The following ESPN variants were observed in gnomAD, a reference collection of about 807,000 sequenced individuals.
ESPN encodes espin.
A neutral mutation model predicts 77.7 loss-of-function variants in ESPN; 68 were observed. The ratio of observed to expected loss-of-function variants is 0.87; its 90% confidence interval spans 0.72 to 1.07. The LOEUF (loss-of-function observed/expected upper bound fraction) is 1.07, where lower values mean the gene tolerates loss of function less well. Among genes scored for constraint, ESPN ranks in the 50% least tolerant of loss-of-function variants. The pLI, the probability that ESPN is intolerant of heterozygous loss-of-function variation, is 0.00. For missense variants in ESPN, 1,060 were observed against 1,239.0 expected (o/e 0.86, Z 2.17); for synonymous variants, 449 against 567.1 (o/e 0.79, Z 2.96).
rs1333401833 is a variant in ESPN, at chr1:6,460,193, C to CGCCCCA, written c.*57_*62dup. ...AGCCTCGCAGCTCCGTGGGGCCCTC[C>CGCCCCA]GCCCCAGCCCCAGCCAGCCAGGCCC... On this transcript the variant is annotated 3_prime_UTR_variant, in exon 13 of 13. Coordinates refer to ENST00000645284, the MANE Select transcript of ESPN (RefSeq NM_031475.3). 6 of 1,590,832 alleles carry CGCCCCA rather than the reference C, an allele frequency of 3.8e-6. No individual in the cohort carries two copies. The highest frequency in any genetic ancestry group is 5.1e-6 in the Non-Finnish European group (6 of 1,165,182).
chr1:6,430,571 C>T (rs907050160), intron 2 of ESPN, among the ~76,000 whole-genome samples: 1 of 152,212 alleles, frequency 6.6e-6, no homozygotes, highest in East Asian at 1.9e-4. Flanking sequence ...GCTGCTGCCA[C>T]GCGGGACCCT....
chr1:6,457,625 C>T (rs923817083), intron 12 of ESPN, among the ~76,000 whole-genome samples: 14 of 152,178 alleles, frequency 9.2e-5, no homozygotes, highest in African/African-American at 3.4e-4. Context: ...TATCAATCAC[C>T]TTGATTGTCT....
Position 6,432,267 on chromosome 1 carries a change from G to A in ESPN, c.488+3848G>A, listed in dbSNP as rs538841052. Reference sequence around the variant, plus strand: ...TAGAAGGCTGGAGGCTGTGCCTGGGGTGGTCCCTTTCCCCACTAAGCCCCT... The same window carrying A: ...TAGAAGGCTGGAGGCTGTGCCTGGGATGGTCCCTTTCCCCACTAAGCCCCT... On this transcript the variant is annotated intron_variant, in intron 2 of 12. Coordinates refer to ENST00000645284, the MANE Select transcript of ESPN (RefSeq NM_031475.3). Among the ~76,000 whole-genome samples, 3 of 152,326 alleles carry A rather than the reference G, an allele frequency of 2.0e-5. No homozygotes were observed. In the East Asian group the frequency reaches 5.8e-4, roughly 29 times the overall value.
chr1:6,441,130 T>C (rs1175236837), intron 5 of ESPN, 65 bp downstream of exon 5: 1 of 1,564,470 alleles, frequency 6.4e-7, no homozygotes, highest in African/African-American at 1.4e-5. Context: ...GTGGTGGGTG[T>C]CGTCACCCCT....
Position 6,424,897 on chromosome 1 carries a change from C to A in ESPN, c.-59C>A. The A allele has an allele frequency of 7.2e-7, 1 of 1,383,786 alleles. No homozygotes were observed. The highest frequency in any genetic ancestry group is 1.5e-5 in the South Asian group (1 of 65,608). 85.7% of individuals were successfully genotyped at this position (1,383,786 alleles called of 1,614,324 possible). On this transcript the variant is annotated 5_prime_UTR_variant, in exon 1 of 13. Coordinates refer to ENST00000645284, the MANE Select transcript of ESPN (RefSeq NM_031475.3). ...CGGGCTCCTCTGGCCCGCAAGAACA[C>A]GTGCATGGCGTCCTGGGGAAGGCGC... is the stretch of plus-strand genomic sequence containing the variant.
At chr1:6,444,777 A>G in intron 6 of ESPN, 95 bp downstream of exon 6, 1 of 1,394,344 alleles carries the variant, frequency 7.2e-7, no homozygotes, top group Non-Finnish European at 1.0e-6. Flanking sequence ...TGCCACAGCC[A>G]ATATCGGACA....
chr1:6,452,915 C>T (rs1643977349), intron 10 of ESPN, among the ~76,000 whole-genome samples: 2 of 116,934 alleles, frequency 1.7e-5, no homozygotes, highest in African/African-American at 1.3e-4. Flanking sequence ...TTTTTTGAGA[C>T]AGGGTCTCAC....
intron 12 of ESPN, among the ~76,000 whole-genome samples, chr1:6,457,588 T>G (rs564961472): frequency 1.3e-3 from 204 of 152,312 alleles, no homozygotes; most frequent in Non-Finnish European, 2.1e-3. Context: ...CCTGGCCTTT[T>G]CTACCCTTCA....
At chr1:6,458,615 C>T (rs1222102054) in intron 12 of ESPN, among the ~76,000 whole-genome samples, 3 of 151,682 alleles carry the variant, frequency 2.0e-5, no homozygotes, top group Non-Finnish European at 4.4e-5. Context: ...CGCACCAGGC[C>T]TGCAAAAAAA....
Position 6,451,706 on chromosome 1 carries a change from G to T in ESPN, c.2019G>T (p.Gly673=), listed in dbSNP as rs1410821368. 1 of 1,612,886 alleles carries T rather than the reference G, an allele frequency of 6.2e-7. No homozygotes were observed. The highest frequency in any genetic ancestry group is 1.3e-5 in the African/African-American group (1 of 74,952). The part of the protein sequence containing the change: ...KSLKPTPQSK[G]LTTVFSGIGQ... Reference sequence around the variant, plus strand: ...TGAAGCCGACGCCCCAGAGCAAGGGGCTGACCACAGTGTTCTCAGGCATCG... The same window carrying T: ...TGAAGCCGACGCCCCAGAGCAAGGGTCTGACCACAGTGTTCTCAGGCATCG... The change falls in exon 9 of 13, where the codon GGG becomes GGT. Residue 673 remains glycine (G), a synonymous_variant. Coordinates refer to ENST00000645284, the MANE Select transcript of ESPN (RefSeq NM_031475.3). The surrounding 1 kb of genome is among the most constrained non-coding windows in gnomAD (Gnocchi z 4.3).
At chr1:6,426,108 C>T (rs1643024487) in intron 1 of ESPN, among the ~76,000 whole-genome samples, 3 of 152,126 alleles carry the variant, frequency 2.0e-5, no homozygotes, top group South Asian at 4.2e-4. Context: ...GAACCACAAC[C>T]GATTTCCACT....
At position 6,441,052 on chromosome 1, in the gene ESPN, C is replaced by T. The variant is rs1300857706; in HGVS notation, c.977C>T (p.Thr326Met). The T allele has an allele frequency of 1.9e-6, 3 of 1,611,134 alleles. No individual in the cohort carries two copies. The highest frequency in any genetic ancestry group is 1.3e-5 in the African/African-American group (1 of 74,898). The change falls in exon 5 of 13, where the codon ACG becomes ATG. Residue 326 changes from threonine to methionine, a missense_variant. This residue lies in a region of ESPN where 556 missense variants were observed against 633.6 expected (regional missense o/e 0.88). Coordinates refer to ENST00000645284, the MANE Select transcript of ESPN (RefSeq NM_031475.3). ...AGCCACTGCACCCGCTACCTGCGCACGGTGGAGAACCTGGTACGATCCCTG... is the reference window on the plus strand; with the variant it reads ...AGCCACTGCACCCGCTACCTGCGCATGGTGGAGAACCTGGTACGATCCCTG... ...GHSHCTRYLRTVENLSVEHRV... is the reference protein window; with the variant it reads ...GHSHCTRYLRMVENLSVEHRV...
In ESPN at chr1:6,445,719, G is replaced by A. The variant is rs139332523; in HGVS notation, c.1248G>A (p.Pro416=). The A allele has an allele frequency of 3.2e-4, 520 of 1,611,838 alleles. 1 individual carries two copies. In the African/African-American group the frequency reaches 4.9e-3, roughly 15 times the overall value. The change falls in exon 7 of 13, where the codon CCG becomes CCA. Residue 416 remains proline (P), a synonymous_variant. Transcript: ENST00000645284. ...AGAGCTACATGGACATGCTGAACCC[G>A]GAGCTGGGCCTGCCTCGGGGCACGA... ...DIQSYMDMLN[P]ELGLPRGTIG...
intron 8 of ESPN, 88 bp downstream of exon 8, chr1:6,449,179 C>T (rs1417903608): frequency 4.7e-6 from 6 of 1,289,270 alleles, no homozygotes; most frequent in Admixed American, 3.1e-5. Context: ...CCAGCTGTCA[C>T]TGCCCGGGTC....
chr1:6,446,589 G>C (rs1017367075), intron 7 of ESPN, among the ~76,000 whole-genome samples: 15 of 152,162 alleles, frequency 9.9e-5, no homozygotes, highest in African/African-American at 2.4e-4. Flanking sequence ...GGATGTCTGG[G>C]GCCTGCAGGC....
Position 6,451,714 on chromosome 1 carries a change from C to A in ESPN, c.2027C>A (p.Thr676Lys). ...ACGCCCCAGAGCAAGGGGCTGACCA[C>A]AGTGTTCTCAGGCATCGGGCAGCCG... ...KPTPQSKGLT[T>K]VFSGIGQPAF... is the part of the protein sequence containing the mutation. The change falls in exon 9 of 13, where the codon ACA becomes AAA. Residue 676 changes from threonine (T) to lysine (K), a missense_variant. Thr to Lys is a moderately conservative substitution (Grantham distance 78, BLOSUM62 -1). Around this residue, in one of 3 missense-constraint regions of ESPN, gnomAD observed 374 missense variants for 381.4 expected, o/e 0.98. Coordinates refer to ENST00000645284, the MANE Select transcript of ESPN (RefSeq NM_031475.3). The surrounding 1 kb of genome is among the most constrained non-coding windows in gnomAD (Gnocchi z 4.3). 1 of 1,612,934 alleles carries A rather than the reference C, an allele frequency of 6.2e-7. No homozygotes were observed. Among genetic ancestry groups the A allele is most frequent in the Non-Finnish European group, 8.5e-7 (1 of 1,179,888 alleles).
intron 2 of ESPN, among the ~76,000 whole-genome samples, chr1:6,436,766 G>A (rs1643454476): frequency 1.3e-5 from 2 of 152,096 alleles, no homozygotes; most frequent in Non-Finnish European, 1.5e-5. Context: ...TTTGGCCTCC[G>A]AAGGTGCTTG....
At chr1:6,438,912 G>A (rs1224623832) in intron 2 of ESPN, among the ~76,000 whole-genome samples, 1 of 152,256 alleles carries the variant, frequency 6.6e-6, no homozygotes, top group East Asian at 1.9e-4. Context: ...AGGAGTCCGA[G>A]ACTAGCCTGG....
chr1:6,440,125 G>A (rs1284765600), intron 2 of ESPN, 129 bp from the exon 3 acceptor site: 21 of 1,003,368 alleles, frequency 2.1e-5, no homozygotes, highest in Non-Finnish European at 2.9e-5. Context: ...GCAGCGGGCC[G>A]GTGACAGGGC....
Sources: gnomAD v4.1 joint callset for allele counts (sites outside exome capture counted in the v4.1 genomes callset) on GRCh38, gnomAD v4.1.1 for gene constraint, gnomAD v4.1.1 regional missense constraint, Gnocchi (gnomAD v3.1) non-coding constraint, MANE v1.5 for transcripts, NCBI Gene and HGNC (gene_info 2026-07-23, HGNC 2026-07-21) for gene names.